SHPRH: variants seen among roughly 807,000 people sequenced by gnomAD.
SHPRH encodes SNF2 histone linker PHD RING helicase.
A neutral mutation model predicts 202.5 loss-of-function variants in SHPRH; 106 were observed. The observed-to-expected ratio is 0.52, with a 90% CI of 0.45 to 0.62. The LOEUF is 0.62. Ranked by LOEUF, SHPRH falls within the 20% of genes least tolerant of loss-of-function variation. The probability of loss-of-function intolerance (pLI) is 0.00; values close to 1 mark genes in which losing one functional copy is unlikely to be tolerated. For missense variants in SHPRH, 1,710 were observed against 2,020.0 expected, an observed-to-expected ratio of 0.85 and a Z score of 2.94; for synonymous variants, 729 against 686.0, an observed-to-expected ratio of 1.06 and a Z score of -0.98.
rs200288193 is a variant in SHPRH at position 145,935,179 on chromosome 6, GAA to G, written c.2734-18_2734-17del. On this transcript the variant is annotated splice_polypyrimidine_tract_variant and intron_variant, in intron 12 of 29. Transcript: ENST00000275233. ...GTATTTGGATCTGTGAAAAGGAGCA[GAA>G]AAAAAAAAAAAGATATCATCTAAAA... 6.4e-5 allele frequency: 84 copies of G among 1,321,282 alleles called. No individual in the cohort carries two copies. Among genetic ancestry groups the G allele is most frequent in the Admixed American group, 2.5e-4 (11 of 44,108 alleles). 81.8% of individuals were successfully genotyped at this position (1,321,282 alleles called of 1,614,324 possible).
At chr6:145,933,770 CTCTT>C (rs1785726147) in intron 13 of SHPRH, among the ~76,000 whole-genome samples, 3 of 152,176 alleles carry the variant, frequency 2.0e-5, no homozygotes, top group African/African-American at 4.8e-5. Context: ...AAACTGAATC[CTCTT>C]TCTATCTCTT....
chr6:145,881,290 T>C (rs762569200), downstream of SHPRH, among the ~76,000 whole-genome samples: 11 of 152,204 alleles, frequency 7.2e-5, no homozygotes, highest in Non-Finnish European at 1.6e-4. Flanking sequence ...TAATTTATAA[T>C]GAAAAAGAGG....
At chr6:145,884,777 C>G (rs1780850108), downstream of SHPRH, 1 of 152,052 alleles carries the variant, frequency 6.6e-6, no homozygotes, top group African/African-American at 2.4e-5. Flanking sequence ...CCCATATGTT[C>G]TAAGTCTCAG....
In SHPRH at chr6:145,934,891, A is replaced by C. The variant is rs772999681; in HGVS notation, c.2990+16T>G. ...TGATATACCAACTGCAATTAAAAAA[A>C]AGTTGATAATAAAACCTTTTTTGGA... On this transcript the variant is annotated intron_variant, in intron 13 of 29. Coordinates refer to ENST00000275233, the MANE Select transcript of SHPRH (RefSeq NM_001042683.3). 1.3e-6 allele frequency: 2 copies of C among 1,580,794 alleles called. No individual in the cohort carries two copies. The highest frequency in any genetic ancestry group is 8.6e-7 in the Non-Finnish European group (1 of 1,159,820).
chr6:145,927,189 T>C lies in SHPRH; in HGVS notation c.3201A>G (p.Gln1067=). 6.2e-7 allele frequency: 1 copy of C among 1,611,360 alleles called. No individual in the cohort carries two copies. Among genetic ancestry groups the C allele is most frequent in the South Asian group, 1.1e-5 (1 of 90,980 alleles). ...ATGAAACTGTTTAGTCTTTACTTAC[T>C]TGAAGTGAATCAGTTTTGAGTTTTC... ...HKGKLKTDSL[Q]RLHATHNLME... The change falls in exon 15 of 30, where the codon CAA becomes CAG. Residue 1067 remains glutamine (Q), a splice_region_variant and synonymous_variant. Transcript: ENST00000275233.
chr6:145,863,032 C>T (rs994589400), downstream of SHPRH, among the ~76,000 whole-genome samples: 8 of 152,104 alleles, frequency 5.3e-5, no homozygotes, highest in African/African-American at 1.9e-4. Flanking sequence ...TGTCACTGGA[C>T]AGGAGTTTGA....
chr6:145,922,537 C>A (rs1784513397), intron 19 of SHPRH, 126 bp downstream of exon 19: 1 of 1,261,890 alleles, frequency 7.9e-7, no homozygotes, highest in African/African-American at 1.6e-5. Context: ...ATTAATACAT[C>A]TCTTTCTACT....
At chr6:145,894,057 G>A (rs1781794578) in intron 27 of SHPRH, 93 bp downstream of exon 27, 2 of 838,992 alleles carry the variant, frequency 2.4e-6, no homozygotes, top group Admixed American at 6.8e-5. Context: ...TGGCTTATAT[G>A]GCATGAGACA....
intron 28 of SHPRH, among the ~76,000 whole-genome samples, chr6:145,891,792 G>A (rs1781588851): frequency 6.6e-6 from 1 of 152,182 alleles, no homozygotes; most frequent in Non-Finnish European, 1.5e-5. Flanking sequence ...GCGAGGCATA[G>A]TAAGATTGTT....
At position 145,898,081 on chromosome 6, in the gene SHPRH, G is replaced by A. The variant is rs141330191; in HGVS notation, c.4516-3104C>T. ...AAAGGAGGAAGTTAAACTGTTTGCAGATGACATGATCTTATATATACAAAA... is the reference window on the plus strand; with the variant it reads ...AAAGGAGGAAGTTAAACTGTTTGCAAATGACATGATCTTATATATACAAAA... On this transcript the variant is annotated intron_variant, in intron 25 of 29. Transcript: ENST00000275233. Among the ~76,000 whole-genome samples the A allele has an allele frequency of 2.2e-3, 330 of 152,236 alleles. 4 individuals carry two copies. Among genetic ancestry groups the A allele is most frequent in the East Asian group, 6.4e-3 (33 of 5,172 alleles).
intron 25 of SHPRH, chr6:145,908,313 G>C (rs2128732848): frequency 6.6e-6 from 1 of 152,172 alleles, no homozygotes; most frequent in Middle Eastern, 3.4e-3. Context: ...TGGGATTTCT[G>C]TTTCTAGATC....
intron 13 of SHPRH, among the ~76,000 whole-genome samples, chr6:145,934,466 C>G (rs1215660103): frequency 2.4e-5 from 1 of 41,460 alleles, no homozygotes; most frequent in Non-Finnish European, 4.3e-5. Flanking sequence ...AACTCCATCT[C>G]AAAAAATAAA....
chr6:145,919,542 G>C, intron 21 of SHPRH, 51 bp from the exon 22 acceptor site: 1 of 1,583,438 alleles, frequency 6.3e-7, no homozygotes, highest in Non-Finnish European at 8.6e-7. Flanking sequence ...AATTAAAACT[G>C]GTTAAAACCA....
Position 145,923,686 on chromosome 6 carries a change from T to C in SHPRH, c.3502A>G (p.Ser1168Gly). 6.2e-7 allele frequency: 1 copy of C among 1,611,990 alleles called. No individual in the cohort carries two copies. Among genetic ancestry groups the C allele is most frequent in the South Asian group, 1.1e-5 (1 of 90,930 alleles). ...LVQRVRNEIT[S>G]NYKQQTGKLS... The stretch of plus-strand genomic sequence containing the variant: ...TTGCCAGTTTGTTGCTTGTAGTTGC[T>C]GGTTATTTCATTTCGCACTCGCTGA... The change falls in exon 18 of 30, where the codon AGC (serine) becomes GGC (glycine). Residue 1168 changes from serine (S) to glycine (G), a missense_variant. Physicochemically the swap from Ser to Gly is moderately conservative, Grantham distance 56. This residue lies in a region of SHPRH where 288 missense variants were observed against 317.8 expected (regional missense o/e 0.91). Transcript: ENST00000275233.
chr6:145,935,614 C>T, intron 11 of SHPRH, 173 bp from the exon 12 acceptor site: 1 of 650,034 alleles, frequency 1.5e-6, no homozygotes, highest in South Asian at 2.4e-5. Flanking sequence ...ACTTATTGAG[C>T]ATCTATTCTG....
intron 13 of SHPRH, among the ~76,000 whole-genome samples, chr6:145,934,653 A>AC (rs956888611): frequency 1.3e-5 from 2 of 151,302 alleles, no homozygotes; most frequent in Admixed American, 6.6e-5. Flanking sequence ...AAAGAGTGAG[A>AC]CCCCGTCTCA....
At chr6:145,863,535 CAA>C (rs1779650716), downstream of SHPRH, among the ~76,000 whole-genome samples, 1 of 152,068 alleles carries the variant, frequency 6.6e-6, no homozygotes, top group South Asian at 2.1e-4. Flanking sequence ...GTTATTAAGA[CAA>C]AGAGGAAGGA....
chr6:145,948,228 T>A (rs748625803), intron 5 of SHPRH, 44 bp downstream of exon 5: 37 of 1,401,370 alleles, frequency 2.6e-5, no homozygotes, highest in Non-Finnish European at 3.3e-5. Flanking sequence ...TTTTTCATTA[T>A]ATTTATTTTT....
chr6:145,923,836 C>T (rs1784634634), intron 17 of SHPRH, 51 bp from the exon 18 acceptor site: 5 of 1,572,216 alleles, frequency 3.2e-6, no homozygotes, highest in East Asian at 4.5e-5. Flanking sequence ...TTAGTACTCA[C>T]TAAGCTTCCA....
Sources: allele counts gnomAD v4.1 joint callset (sites outside exome capture counted in the v4.1 genomes callset), GRCh38; gene constraint gnomAD v4.1.1; regional missense constraint gnomAD v4.1.1; transcripts MANE v1.5; gene names NCBI Gene and HGNC (gene_info 2026-07-23, HGNC 2026-07-21).